Variants in GRM5 observed in about 807,000 individuals in gnomAD.
GRM5 encodes glutamate metabotropic receptor 5.
A neutral mutation model predicts 83.1 loss-of-function variants in GRM5; 19 were observed. The observed-to-expected ratio is 0.23, with a 90% confidence interval of 0.16 to 0.34. The LOEUF (loss-of-function observed/expected upper bound fraction) is 0.34, where lower values mean the gene tolerates loss of function less well. GRM5 is among the 10% of genes least tolerant of loss of function. GRM5 has a pLI of 1.00. For missense variants in GRM5, 1,160 were observed against 1,588.3 expected (o/e 0.73, Z 4.58); for synonymous variants, 675 against 633.6 (o/e 1.07, Z -0.98).
intron 2 of GRM5, among the ~76,000 whole-genome samples, chr11:88,927,351 T>C (rs193049596): frequency 7.2e-5 from 11 of 152,282 alleles, no homozygotes; most frequent in South Asian, 4.1e-4. Context: ...TTCTTTTGAC[T>C]GTTTGGCATC....
At chr11:89,012,119 T>G (rs2135092089) in intron 2 of GRM5, among the ~76,000 whole-genome samples, 1 of 151,078 alleles carries the variant, frequency 6.6e-6, no homozygotes, top group East Asian at 1.9e-4. Context: ...AGGGAGTGAG[T>G]GAAGAATGGA....
chr11:88,695,953 C>T (rs1940891592), intron 3 of GRM5, among the ~76,000 whole-genome samples: 1 of 152,174 alleles, frequency 6.6e-6, no homozygotes, highest in South Asian at 2.1e-4. Flanking sequence ...TTGCCCTCTT[C>T]AGGCGACTTG....
At chr11:88,793,961 G>A (rs1327100969) in intron 3 of GRM5, among the ~76,000 whole-genome samples, 1 of 152,074 alleles carries the variant, frequency 6.6e-6, no homozygotes, top group African/African-American at 2.4e-5. Flanking sequence ...GAGTAGCTGG[G>A]ACTGACTACA....
intron 3 of GRM5, among the ~76,000 whole-genome samples, chr11:88,798,425 C>G (rs1943323177): frequency 6.6e-6 from 1 of 152,052 alleles, no homozygotes; most frequent in Non-Finnish European, 1.5e-5. Flanking sequence ...ACAGAAAACA[C>G]TTTTGTAGAA....
chr11:88,512,138 C>T (rs1293417828), intron 9 of GRM5: 1 of 154,108 alleles, frequency 6.5e-6, no homozygotes, highest in African/African-American at 2.4e-5. Context: ...TGCCCCAAAA[C>T]ATGATAGCAT....
intron 2 of GRM5, among the ~76,000 whole-genome samples, chr11:88,977,616 G>A (rs1190263776): frequency 6.6e-6 from 1 of 152,204 alleles, no homozygotes. Flanking sequence ...AATATTTGAA[G>A]TGGTGTCATA....
At chr11:89,024,447 T>A (rs1941078020) in intron 2 of GRM5, among the ~76,000 whole-genome samples, 1 of 152,218 alleles carries the variant, frequency 6.6e-6, no homozygotes, top group African/African-American at 2.4e-5. Context: ...ATTCTGATCA[T>A]CTACCAAATT....
intron 7 of GRM5, among the ~76,000 whole-genome samples, chr11:88,575,138 T>C (rs1346317816): frequency 6.6e-6 from 1 of 152,142 alleles, no homozygotes; most frequent in East Asian, 1.9e-4. Flanking sequence ...AGAGAGTCTT[T>C]ATCCAAGGTG....
chr11:88,816,804 G>A (rs1016665169), intron 3 of GRM5, among the ~76,000 whole-genome samples: 3 of 146,840 alleles, frequency 2.0e-5, no homozygotes, highest in Admixed American at 1.4e-4. Flanking sequence ...TTTTAGAGAA[G>A]TTATATTGCT....
chr11:88,978,154 T>C (rs1338889947), intron 2 of GRM5, among the ~76,000 whole-genome samples: 4 of 152,262 alleles, frequency 2.6e-5, no homozygotes, highest in South Asian at 2.1e-4. Flanking sequence ...TGTACAAATA[T>C]AGTGCCTGTA....
At chr11:88,940,115 T>G (rs574930784) in intron 2 of GRM5, among the ~76,000 whole-genome samples, 1 of 152,026 alleles carries the variant, frequency 6.6e-6, no homozygotes, top group South Asian at 2.1e-4. Context: ...AACACAAAAT[T>G]AAATACGCCT....
At chr11:88,733,461 C>A (rs1324113388) in intron 3 of GRM5, among the ~76,000 whole-genome samples, 1 of 151,840 alleles carries the variant, frequency 6.6e-6, no homozygotes, top group Non-Finnish European at 1.5e-5. Flanking sequence ...GGGATGGAAC[C>A]CACGTTCCGG....
At chr11:88,662,957 A>G (rs1370878045) in intron 3 of GRM5, among the ~76,000 whole-genome samples, 1 of 152,192 alleles carries the variant, frequency 6.6e-6, no homozygotes, top group East Asian at 1.9e-4. Context: ...TGAGCAGAGA[A>G]CCCAGTTGCC....
At chr11:88,878,791 G>C (rs1484657211) in intron 2 of GRM5, among the ~76,000 whole-genome samples, 1 of 152,102 alleles carries the variant, frequency 6.6e-6, no homozygotes, top group Non-Finnish European at 1.5e-5. Context: ...GCAATGGCTT[G>C]GAAAAATTCC....
At chr11:88,708,204 G>A (rs1941203600) in intron 3 of GRM5, among the ~76,000 whole-genome samples, 1 of 152,056 alleles carries the variant, frequency 6.6e-6, no homozygotes, top group Non-Finnish European at 1.5e-5. Context: ...TTGCCAACAT[G>A]TTGAGTCCCA....
intron 2 of GRM5, among the ~76,000 whole-genome samples, chr11:88,977,463 G>C (rs919628929): frequency 4.6e-5 from 7 of 151,976 alleles, no homozygotes; most frequent in Admixed American, 6.6e-5. Context: ...CGCCCACCTC[G>C]GCCTCCCAAA....
intron 3 of GRM5, among the ~76,000 whole-genome samples, chr11:88,803,958 G>A (rs563818747): frequency 4.2e-4 from 64 of 151,864 alleles, no homozygotes; most frequent in African/African-American, 1.5e-3. Flanking sequence ...CTGGCCATCA[G>A]AGAAATGCAA....
chr11:88,861,322 C>A (rs1944558101), intron 2 of GRM5, among the ~76,000 whole-genome samples: 1 of 152,156 alleles, frequency 6.6e-6, no homozygotes, highest in African/African-American at 2.4e-5. Context: ...ATATGTAGAT[C>A]AAATACACTA....
At chr11:88,572,694 C>T (rs1943028260) in intron 7 of GRM5, among the ~76,000 whole-genome samples, 3 of 152,016 alleles carry the variant, frequency 2.0e-5, no homozygotes, top group African/African-American at 7.2e-5. Flanking sequence ...CACAGTTGTA[C>T]AAATATCTGT....
Sources: allele counts gnomAD v4.1 joint callset (sites outside exome capture counted in the v4.1 genomes callset), GRCh38; gene constraint gnomAD v4.1.1; transcripts MANE v1.5; gene names NCBI Gene and HGNC (gene_info 2026-07-23, HGNC 2026-07-21).